NELL1: variants seen among roughly 807,000 people sequenced by gnomAD.
The protein encoded by NELL1 is protein kinase C-binding protein NELL1.
NELL1 carries 76 observed loss-of-function variants against 107.4 expected under a neutral mutation model. That is an observed-to-expected ratio of 0.71 (90% CI 0.59 to 0.86). The LOEUF (loss-of-function observed/expected upper bound fraction) is 0.86, where lower values mean the gene tolerates loss of function less well. NELL1 is among the 40% of genes least tolerant of loss of function. NELL1 has a pLI of 0.00. For missense variants in NELL1, 1,024 were observed against 1,005.5 expected, an observed-to-expected ratio of 1.02 and a Z score of -0.25; for synonymous variants, 353 against 341.2, an observed-to-expected ratio of 1.03 and a Z score of -0.38.
chr11:20,714,194 A>AT (rs34441596), intron 2 of NELL1, among the ~76,000 whole-genome samples: 18,408 of 61,596 alleles, frequency 0.3, 5,671 homozygotes, highest in Middle Eastern at 0.4. Context: ...TATCTCCCCG[A>AT]TTTTTTTTTT....
chr11:20,868,636 T>A (rs1317885547), intron 4 of NELL1, among the ~76,000 whole-genome samples: 1 of 152,032 alleles, frequency 6.6e-6, no homozygotes, highest in Non-Finnish European at 1.5e-5. Context: ...ATTATATGAA[T>A]GAGTAAATGA....
intron 5 of NELL1, among the ~76,000 whole-genome samples, chr11:20,887,894 A>G (rs546790577): frequency 4.6e-5 from 7 of 152,344 alleles, no homozygotes; most frequent in African/African-American, 1.4e-4. Context: ...CACGAATGAC[A>G]GTGGAAAGAA....
chr11:21,233,389 T>TTCCCCCTTTTCTTTG (rs1218967089), intron 14 of NELL1, among the ~76,000 whole-genome samples: 1 of 152,158 alleles, frequency 6.6e-6, no homozygotes, highest in East Asian at 1.9e-4. Flanking sequence ...TTCCCTCCCT[T>TTCCCCCTTTTCTTTG]TCCTCCTTTT....
intron 4 of NELL1, 37 bp downstream of exon 4, chr11:20,847,790 T>C (rs759449447): frequency 1.9e-6 from 3 of 1,563,524 alleles, no homozygotes; most frequent in East Asian, 2.3e-5. Flanking sequence ...GATTCTGCCC[T>C]TGAAATCAAG....
chr11:21,111,431 A>G, intron 12 of NELL1, among the ~76,000 whole-genome samples: 1 of 152,088 alleles, frequency 6.6e-6, no homozygotes, highest in East Asian at 1.9e-4. Context: ...ATGAAGCGTA[A>G]TTATATCCTT....
At chr11:20,904,140 A>G (rs2134136396) in intron 5 of NELL1, among the ~76,000 whole-genome samples, 1 of 152,260 alleles carries the variant, frequency 6.6e-6, no homozygotes, top group East Asian at 1.9e-4. Flanking sequence ...GCGCACCAGC[A>G]TGGCACATGC....
chr11:21,050,326 A>G (rs1236989487), intron 12 of NELL1, among the ~76,000 whole-genome samples: 1 of 152,056 alleles, frequency 6.6e-6, no homozygotes, highest in African/African-American at 2.4e-5. Context: ...AATAATTTTA[A>G]TCAGATTCCT....
At chr11:20,771,131 C>T (rs1856632162) in intron 2 of NELL1, among the ~76,000 whole-genome samples, 1 of 152,126 alleles carries the variant, frequency 6.6e-6, no homozygotes, top group African/African-American at 2.4e-5. Flanking sequence ...GTCCCCCTCC[C>T]CAAGTACTGA....
At chr11:21,281,762 C>T (rs1400716613) in intron 14 of NELL1, among the ~76,000 whole-genome samples, 1 of 152,140 alleles carries the variant, frequency 6.6e-6, no homozygotes, top group Non-Finnish European at 1.5e-5. Flanking sequence ...CATGGTAATC[C>T]AGATAATTCT....
intron 2 of NELL1, among the ~76,000 whole-genome samples, chr11:20,735,413 A>G (rs1855739142): frequency 6.6e-6 from 1 of 152,192 alleles, no homozygotes; most frequent in Non-Finnish European, 1.5e-5. Flanking sequence ...TCACATGATG[A>G]CAGGAAGGAG....
At chr11:20,946,216 C>T (rs1031124722) in intron 10 of NELL1, among the ~76,000 whole-genome samples, 3 of 152,192 alleles carry the variant, frequency 2.0e-5, no homozygotes, top group Non-Finnish European at 4.4e-5. Flanking sequence ...CTGCACCCTT[C>T]TTGACTATAC....
At chr11:21,256,488 C>T (rs189648353) in intron 14 of NELL1, among the ~76,000 whole-genome samples, 7 of 152,102 alleles carry the variant, frequency 4.6e-5, no homozygotes, top group African/African-American at 1.7e-4. Flanking sequence ...TTTGGCCTCA[C>T]GTCATAAGTA....
At chr11:21,152,848 T>C (rs569932803) in intron 13 of NELL1, among the ~76,000 whole-genome samples, 2 of 152,320 alleles carry the variant, frequency 1.3e-5, no homozygotes, top group South Asian at 4.1e-4. Context: ...CCAGAGGCTT[T>C]TTCCTAATTA....
chr11:20,898,418 C>G (rs1849798444), intron 5 of NELL1, among the ~76,000 whole-genome samples: 1 of 151,580 alleles, frequency 6.6e-6, no homozygotes, highest in African/African-American at 2.4e-5. Context: ...CAGGGCCTGT[C>G]ATGGGGTGGG....
intron 2 of NELL1, among the ~76,000 whole-genome samples, chr11:20,721,234 T>TTTTA (rs1554906608): frequency 7.2e-6 from 1 of 138,854 alleles, no homozygotes; most frequent in African/African-American, 2.8e-5. Flanking sequence ...TATATTTTGT[T>TTTTA]TATATATATA....
chr11:21,493,597 A>G (rs1001060759), intron 15 of NELL1, among the ~76,000 whole-genome samples: 1 of 151,990 alleles, frequency 6.6e-6, no homozygotes, highest in Non-Finnish European at 1.5e-5. Context: ...TGAAGTGTCT[A>G]TGGGTGGGAT....
chr11:21,363,330 A>G (rs1423393356), intron 14 of NELL1, among the ~76,000 whole-genome samples: 1 of 152,092 alleles, frequency 6.6e-6, no homozygotes, highest in African/African-American at 2.4e-5. Context: ...CCCTAAACCC[A>G]TTTCATCTCT....
intron 14 of NELL1, among the ~76,000 whole-genome samples, chr11:21,249,769 GAA>G (rs1251379979): frequency 6.6e-6 from 1 of 152,108 alleles, no homozygotes; most frequent in Non-Finnish European, 1.5e-5. Context: ...GAGGAAATAG[GAA>G]TCATCACAGT....
chr11:21,529,591 T>G (rs1656006386), intron 15 of NELL1, among the ~76,000 whole-genome samples: 2 of 152,230 alleles, frequency 1.3e-5, no homozygotes, highest in Admixed American at 1.3e-4. Flanking sequence ...ATGAGGCATG[T>G]ATTATAGATT....
Sources: gnomAD v4.1 joint callset for allele counts (sites outside exome capture counted in the v4.1 genomes callset) on GRCh38, gnomAD v4.1.1 for gene constraint, MANE v1.5 for transcripts, NCBI Gene and HGNC (gene_info 2026-07-23, HGNC 2026-07-21) for gene names.